The following DNAH14 variants were observed in gnomAD, a reference collection of about 807,000 sequenced individuals.
DNAH14 encodes the protein axonemal beta dynein heavy chain 14.
DNAH14 carries 478 observed loss-of-function variants against 520.9 expected under a neutral mutation model. That is an observed-to-expected ratio of 0.92 (90% confidence interval 0.85 to 0.99). The LOEUF is 0.99. Among genes scored for constraint, DNAH14 ranks in the 50% least tolerant of loss-of-function variants. The probability of loss-of-function intolerance (pLI) is 0.00; values close to 1 mark genes in which losing one functional copy is unlikely to be tolerated. For synonymous variants in DNAH14, 1,581 were observed against 1,757.2 expected (o/e 0.90, Z 2.51); for missense variants, 4,831 against 5,234.5 (o/e 0.92, Z 2.38).
intron 23 of DNAH14, among the ~76,000 whole-genome samples, chr1:225,106,690 C>T (rs112828749): frequency 0.055 from 8,384 of 152,266 alleles, 469 homozygotes; most frequent in East Asian, 0.24. Flanking sequence ...GAGGCTTGTG[C>T]ATTCGTCACA....
rs1436228309 is a variant in DNAH14, at chr1:224,967,511, T to G, written c.579T>G (p.Leu193=). The change falls in exon 6 of 86, where the codon CTT becomes CTG. Residue 193 remains leucine, a synonymous_variant. Transcript: ENST00000682510. The part of the protein sequence containing the change: ...SPKSLYNPYD[L]QVVSAHTAKH... ...AATCCCTTTACAATCCATATGATCT[T>G]CAGGTAGTATCGGCTCATACTGCTA... is the stretch of plus-strand genomic sequence containing the variant. The G allele has an allele frequency of 1.2e-6, 2 of 1,604,032 alleles. No homozygotes were observed. The highest frequency in any genetic ancestry group is 1.7e-6 in the Non-Finnish European group (2 of 1,176,002).
intron 66 of DNAH14, among the ~76,000 whole-genome samples, chr1:225,335,275 T>TGTGTACA (rs1558425838): frequency 1.3e-5 from 1 of 79,204 alleles, no homozygotes; most frequent in Non-Finnish European, 2.6e-5. Context: ...CACGTGTACA[T>TGTGTACA]TGTGTGTATA....
chr1:225,351,166 G>A (rs1280151985), intron 71 of DNAH14, among the ~76,000 whole-genome samples: 2 of 152,176 alleles, frequency 1.3e-5, no homozygotes, highest in South Asian at 2.1e-4. Flanking sequence ...CACTTTGGGA[G>A]GTCAAGATTG....
intron 79 of DNAH14, among the ~76,000 whole-genome samples, chr1:225,378,150 A>G (rs576584604): frequency 6.6e-6 from 1 of 152,122 alleles, no homozygotes; most frequent in South Asian, 2.1e-4. Context: ...CCAACATATT[A>G]TAAGGAAATG....
intron 32 of DNAH14, 143 bp downstream of exon 32, chr1:225,152,216 A>G (rs1007285758): frequency 4.5e-6 from 3 of 662,792 alleles, no homozygotes; most frequent in Non-Finnish European, 5.2e-6. Flanking sequence ...TCCCAACACC[A>G]TTTATGAACA....
chr1:225,155,572 T>A (rs2080950213), intron 34 of DNAH14, among the ~76,000 whole-genome samples: 1 of 152,130 alleles, frequency 6.6e-6, no homozygotes, highest in Admixed American at 6.5e-5. Flanking sequence ...TCCTCTGGAT[T>A]TTATAGTCCT....
chr1:224,974,047 C>T lies in DNAH14; in HGVS notation c.768-44C>T, dbSNP rs187541101. 85 of 1,252,794 alleles carry T rather than the reference C, an allele frequency of 6.8e-5. No individual in the cohort carries two copies. In the South Asian group the frequency reaches 9.7e-4, roughly 14 times the overall value. The allele number at this position is 1,252,794 out of a possible 1,614,324, so 77.6% of individuals were successfully genotyped here. On this transcript the variant is annotated intron_variant, in intron 7 of 85. Coordinates refer to ENST00000682510, the MANE Select transcript of DNAH14 (RefSeq NM_001367479.1). ...TTACTAAATTTATTCCATATAAATA[C>T]GTGGTTTATGGATATGGAATATAAG...
intron 8 of DNAH14, among the ~76,000 whole-genome samples, chr1:224,994,430 T>A (rs2063260615): frequency 6.6e-6 from 1 of 151,982 alleles, no homozygotes; most frequent in African/African-American, 2.4e-5. Flanking sequence ...TTAATGTCAT[T>A]TTTCATCTAT....
intron 8 of DNAH14, among the ~76,000 whole-genome samples, chr1:224,975,501 A>G (rs1193251707): frequency 1.7e-4 from 26 of 151,446 alleles, no homozygotes; most frequent in South Asian, 2.1e-4. Flanking sequence ...TAGATTTTCT[A>G]GTTTATTTGC....
intron 16 of DNAH14, 53 bp from the exon 17 acceptor site, chr1:225,051,398 T>C (rs2068522300): frequency 7.7e-7 from 1 of 1,302,910 alleles, no homozygotes; most frequent in African/African-American, 1.5e-5. Context: ...CCAAACCATT[T>C]TTCACTCTTA....
At chr1:224,967,835 G>T in intron 6 of DNAH14, 14 of 1,306,664 alleles carry the variant, frequency 1.1e-5, no homozygotes, top group Non-Finnish European at 1.4e-5. Flanking sequence ...TAATACTTGG[G>T]GTAAATTTTT....
intron 1 of DNAH14, among the ~76,000 whole-genome samples, chr1:224,945,675 A>G (rs745460630): frequency 2.6e-5 from 4 of 152,242 alleles, no homozygotes; most frequent in African/African-American, 9.7e-5. Context: ...TTTGGTGTGG[A>G]TGTCCTTTCT....
intron 17 of DNAH14, among the ~76,000 whole-genome samples, chr1:225,059,087 C>T (rs1299962047): frequency 1.3e-5 from 2 of 152,158 alleles, no homozygotes; most frequent in Admixed American, 1.3e-4. Flanking sequence ...TCCTTGTTAA[C>T]TTTCTGTCTT....
At chr1:224,979,547 AAGGCAGTAT>A (rs2062110299) in intron 8 of DNAH14, among the ~76,000 whole-genome samples, 1 of 152,154 alleles carries the variant, frequency 6.6e-6, no homozygotes, top group South Asian at 2.1e-4. Context: ...ATAAACTTGA[AAGGCAGTAT>A]AGGCCACAAG....
intron 42 of DNAH14, among the ~76,000 whole-genome samples, chr1:225,237,097 G>A (rs1019338266): frequency 2.0e-5 from 3 of 152,080 alleles, no homozygotes; most frequent in African/African-American, 7.2e-5. Flanking sequence ...CTTTGCACAT[G>A]AGATGAGTTT....
chr1:225,364,362 T>G (rs2095527660), intron 75 of DNAH14, among the ~76,000 whole-genome samples: 2 of 152,220 alleles, frequency 1.3e-5, no homozygotes, highest in South Asian at 4.1e-4. Flanking sequence ...AATGATGTTC[T>G]CCTATACAGG....
chr1:225,319,535 A>G (rs2094523921), intron 61 of DNAH14, among the ~76,000 whole-genome samples: 1 of 152,204 alleles, frequency 6.6e-6, no homozygotes, highest in Non-Finnish European at 1.5e-5. Flanking sequence ...TGATCAATAT[A>G]TTTTTATGAT....
chr1:225,156,536 C>T (rs1483679150), intron 34 of DNAH14, among the ~76,000 whole-genome samples: 2 of 152,200 alleles, frequency 1.3e-5, no homozygotes, highest in South Asian at 4.1e-4. Flanking sequence ...AGTAACATAA[C>T]CTCAGCTCTA....
intron 58 of DNAH14, among the ~76,000 whole-genome samples, chr1:225,306,161 G>A (rs949553332): frequency 6.6e-6 from 1 of 152,200 alleles, no homozygotes; most frequent in African/African-American, 2.4e-5. Flanking sequence ...TACATAAGCA[G>A]CAACCTCAAT....
Sources: gnomAD v4.1 joint callset for allele counts (sites outside exome capture counted in the v4.1 genomes callset) on GRCh38, gnomAD v4.1.1 for gene constraint, MANE v1.5 for transcripts, NCBI Gene and HGNC (gene_info 2026-07-23, HGNC 2026-07-21) for gene names.